Variants in CTNNA3 observed in about 807,000 individuals in gnomAD.
CTNNA3 encodes catenin alpha-3.
In CTNNA3, 76 loss-of-function variants were observed where a neutral mutation model predicts 95.7. The observed-to-expected ratio is 0.79, with a 90% CI of 0.66 to 0.96. The LOEUF (loss-of-function observed/expected upper bound fraction) is 0.96, where lower values mean the gene tolerates loss of function less well. Among genes scored for constraint, CTNNA3 ranks in the 40% least tolerant of loss-of-function variants. CTNNA3 has a pLI of 0.00. For missense variants in CTNNA3, 1,191 were observed against 1,089.8 expected (o/e 1.09, Z -1.31); for synonymous variants, 431 against 374.4 (o/e 1.15, Z -1.74).
intron 9 of CTNNA3, among the ~76,000 whole-genome samples, chr10:66,765,223 A>C (rs1260769632): frequency 1.3e-5 from 2 of 152,200 alleles, no homozygotes; most frequent in African/African-American, 4.8e-5. Flanking sequence ...ATCCACGTTA[A>C]AGATGTTAGG....
rs921841510 is a variant in CTNNA3 at position 67,510,014 on chromosome 10, C to T, written c.579+11828G>A. On this transcript the variant is annotated intron_variant, in intron 5 of 17. Transcript: ENST00000433211. ...TCTTTTGAAAAGTGTCTGTTCATAT[C>T]CTTTCCTGACTTTTTCATGGGGTTG... Among the ~76,000 whole-genome samples the T allele has an allele frequency of 3.3e-5, 5 of 152,128 alleles. No individual in the cohort carries two copies. The South Asian group carries it at 8.3e-4, about 25-fold the overall frequency.
At chr10:66,302,339 G>A (rs1385253940) in intron 12 of CTNNA3, among the ~76,000 whole-genome samples, 5 of 151,814 alleles carry the variant, frequency 3.3e-5, no homozygotes, top group Admixed American at 6.6e-5. Flanking sequence ...AACTTAACAG[G>A]GAAAAGCAAA....
At chr10:66,904,905 G>A (rs1484625197) in intron 7 of CTNNA3, among the ~76,000 whole-genome samples, 1 of 152,072 alleles carries the variant, frequency 6.6e-6, no homozygotes, top group African/African-American at 2.4e-5. Context: ...AAATAGGAAC[G>A]CTTTTACACC....
At chr10:66,859,976 T>C (rs1589345035) in intron 7 of CTNNA3, among the ~76,000 whole-genome samples, 1 of 114,386 alleles carries the variant, frequency 8.7e-6, no homozygotes, top group Non-Finnish European at 1.7e-5. Flanking sequence ...TGAGAACACA[T>C]GGACACAGGA....
chr10:66,820,496 A>G (rs1194993702), intron 7 of CTNNA3, among the ~76,000 whole-genome samples: 1 of 152,150 alleles, frequency 6.6e-6, no homozygotes, highest in East Asian at 1.9e-4. Context: ...TTACAGCTCA[A>G]GTAAAAATAA....
At chr10:66,450,413 T>C (rs543797535) in intron 11 of CTNNA3, among the ~76,000 whole-genome samples, 1 of 152,198 alleles carries the variant, frequency 6.6e-6, no homozygotes, top group South Asian at 2.1e-4. Flanking sequence ...TATAATATAG[T>C]AAGGCTTTAG....
chr10:66,638,351 C>A (rs1457910571), intron 9 of CTNNA3, among the ~76,000 whole-genome samples: 1 of 152,238 alleles, frequency 6.6e-6, no homozygotes, highest in South Asian at 2.1e-4. Context: ...TTCTATTTAG[C>A]CTATTAATTT....
chr10:66,129,697 G>T (rs1028393897), intron 13 of CTNNA3, among the ~76,000 whole-genome samples: 2 of 152,022 alleles, frequency 1.3e-5, no homozygotes, highest in Non-Finnish European at 2.9e-5. Flanking sequence ...CTGCATCATA[G>T]CTCCTGCTCT....
At chr10:66,926,258 C>G (rs978198456) in intron 7 of CTNNA3, 1 of 509,948 alleles carries the variant, frequency 2.0e-6, no homozygotes, top group South Asian at 2.0e-5. Flanking sequence ...ATTGTAGGAT[C>G]CAGTTTTTTT....
chr10:66,636,040 T>A, intron 9 of CTNNA3, among the ~76,000 whole-genome samples: 1 of 135,526 alleles, frequency 7.4e-6, no homozygotes, highest in African/African-American at 2.7e-5. Flanking sequence ...GTGTGTGGAG[T>A]GGAAGAGAGG....
chr10:66,812,343 C>A (rs1841913945), intron 7 of CTNNA3, among the ~76,000 whole-genome samples: 1 of 152,116 alleles, frequency 6.6e-6, no homozygotes, highest in Non-Finnish European at 1.5e-5. Context: ...CTAAATAGTG[C>A]TCATAGAAAT....
At chr10:67,622,463 C>T (rs1564789617) in intron 2 of CTNNA3, among the ~76,000 whole-genome samples, 2 of 152,206 alleles carry the variant, frequency 1.3e-5, no homozygotes, top group African/African-American at 2.4e-5. Flanking sequence ...AGGGGAGCAA[C>T]ATTAAAGTGA....
chr10:66,714,651 A>G (rs1171398942), intron 9 of CTNNA3, among the ~76,000 whole-genome samples: 1 of 152,078 alleles, frequency 6.6e-6, no homozygotes, highest in African/African-American at 2.4e-5. Context: ...GCAGCATCAC[A>G]TCACTCAGGA....
At chr10:65,931,562 A>G (rs946880596) in intron 17 of CTNNA3, among the ~76,000 whole-genome samples, 2 of 152,102 alleles carry the variant, frequency 1.3e-5, no homozygotes, top group African/African-American at 2.4e-5. Flanking sequence ...GTAAAAATGC[A>G]CCCTGAGGAA....
intron 7 of CTNNA3, among the ~76,000 whole-genome samples, chr10:66,939,365 T>C (rs1309180382): frequency 1.3e-5 from 2 of 152,106 alleles, no homozygotes; most frequent in South Asian, 2.1e-4. Context: ...AACTTTTAAG[T>C]CAATCCATAC....
chr10:66,329,614 A>G (rs1011295558), intron 12 of CTNNA3, among the ~76,000 whole-genome samples: 23 of 151,874 alleles, frequency 1.5e-4, no homozygotes, highest in Non-Finnish European at 1.5e-5. Flanking sequence ...GTACTATCGT[A>G]TGTCAAAATA....
At chr10:67,209,498 C>T (rs954102782) in intron 6 of CTNNA3, among the ~76,000 whole-genome samples, 1 of 152,088 alleles carries the variant, frequency 6.6e-6, no homozygotes, top group Non-Finnish European at 1.5e-5. Flanking sequence ...TTATTTATTA[C>T]AATTACGAAC....
In CTNNA3 at chr10:67,268,359, A is replaced by AAATTAAATTAAATTAAATT. The variant is rs759024425; in HGVS notation, c.580-48490_580-48489insAATTTAATTTAATTTAATT. Among the ~76,000 whole-genome samples, 381 of 142,852 alleles carry AAATTAAATTAAATTAAATT rather than the reference A, an allele frequency of 2.7e-3. 6 individuals carry two copies. The highest frequency in any genetic ancestry group is 7.6e-3 in the Admixed American group (112 of 14,702). The allele number at this position is 142,852 out of a possible 152,430, so 93.7% of individuals were successfully genotyped here. ...TAAATTAAATTAAATTAAATTAAATAAATAAATAAAAAATCAGCCGTTAGC... is the reference window on the plus strand; with the variant it reads ...TAAATTAAATTAAATTAAATTAAATAAATTAAATTAAATTAAATTAATAAATAAAAAATCAGCCGTTAGC... On this transcript the variant is annotated intron_variant, in intron 5 of 17. Coordinates refer to ENST00000433211, the MANE Select transcript of CTNNA3 (RefSeq NM_013266.4).
chr10:67,020,691 T>A (rs976292403), intron 7 of CTNNA3, among the ~76,000 whole-genome samples: 1 of 152,116 alleles, frequency 6.6e-6, no homozygotes, highest in Non-Finnish European at 1.5e-5. Flanking sequence ...CAAAAGTTAT[T>A]TAAGGGGAGA....
Sources: allele counts gnomAD v4.1 joint callset (sites outside exome capture counted in the v4.1 genomes callset), GRCh38; gene constraint gnomAD v4.1.1; transcripts MANE v1.5; gene names NCBI Gene and HGNC (gene_info 2026-07-23, HGNC 2026-07-21).